Variants in GBE1 observed in about 807,000 individuals in gnomAD.
The protein encoded by GBE1 is 1,4-alpha-glucan branching enzyme 1.
In GBE1, 70 loss-of-function variants were observed where a neutral mutation model predicts 88.8. The ratio of observed to expected loss-of-function variants is 0.79; its 90% CI spans 0.65 to 0.96. The LOEUF (loss-of-function observed/expected upper bound fraction) is 0.96, where lower values mean the gene tolerates loss of function less well. Among genes scored for constraint, GBE1 ranks in the 40% least tolerant of loss-of-function variants. The probability of loss-of-function intolerance (pLI) is 0.00; values close to 1 mark genes in which losing one functional copy is unlikely to be tolerated. For missense variants in GBE1, 872 were observed against 871.0 expected (o/e 1.00, Z -0.01); for synonymous variants, 284 against 300.1 (o/e 0.95, Z 0.56).
At chr3:81,526,195 T>A (rs1702941888) in intron 14 of GBE1, among the ~76,000 whole-genome samples, 1 of 152,108 alleles carries the variant, frequency 6.6e-6, no homozygotes, top group Admixed American at 6.6e-5. Context: ...ATCTACACAC[T>A]GCTTTGAATG....
At chr3:81,658,586 C>A (rs1576188699) in intron 3 of GBE1, among the ~76,000 whole-genome samples, 3 of 152,112 alleles carry the variant, frequency 2.0e-5, no homozygotes, top group Admixed American at 1.3e-4. Context: ...GGAGTATTAT[C>A]CCCCAAGGTT....
At chr3:81,581,407 A>C in intron 10 of GBE1, 132 bp from the exon 11 acceptor site, 2 of 581,866 alleles carry the variant, frequency 3.4e-6, no homozygotes, top group South Asian at 4.6e-5. Context: ...CCATATAGCA[A>C]AGTTATCACT....
intron 12 of GBE1, among the ~76,000 whole-genome samples, chr3:81,538,972 G>T (rs1055558263): frequency 6.6e-5 from 10 of 151,938 alleles, no homozygotes; most frequent in African/African-American, 2.4e-4. Context: ...TTGTCATCAC[G>T]ATGACAGTAG....
intron 14 of GBE1, among the ~76,000 whole-genome samples, chr3:81,501,132 C>T (rs1395751852): frequency 1.3e-5 from 2 of 152,126 alleles, no homozygotes; most frequent in African/African-American, 2.4e-5. Context: ...GGAAAGAAAC[C>T]ATTAGACCCA....
chr3:81,741,506 T>C (rs958736966), intron 1 of GBE1, among the ~76,000 whole-genome samples: 8 of 152,158 alleles, frequency 5.3e-5, no homozygotes, highest in Non-Finnish European at 1.0e-4. Flanking sequence ...AAATGCAAAC[T>C]ATAACCTAAA....
intron 1 of GBE1, among the ~76,000 whole-genome samples, chr3:81,714,952 G>A (rs1359259955): frequency 6.6e-6 from 1 of 152,062 alleles, no homozygotes; most frequent in Non-Finnish European, 1.5e-5. Context: ...GGCCGCTCTT[G>A]TGATCTAACT....
At chr3:81,492,115 T>C (rs901442349) in intron 15 of GBE1, among the ~76,000 whole-genome samples, 3 of 152,258 alleles carry the variant, frequency 2.0e-5, no homozygotes, top group Admixed American at 2.0e-4. Flanking sequence ...CAATGTCTCA[T>C]GTTCTGTTTT....
chr3:81,578,964 T>C (rs1038450726), intron 11 of GBE1, among the ~76,000 whole-genome samples: 28 of 152,054 alleles, frequency 1.8e-4, no homozygotes, highest in African/African-American at 6.0e-4. Context: ...AAAATTGTTA[T>C]AGGATTTATA....
intron 1 of GBE1, among the ~76,000 whole-genome samples, chr3:81,748,030 G>C (rs1706441988): frequency 6.6e-6 from 1 of 152,164 alleles, no homozygotes; most frequent in Non-Finnish European, 1.5e-5. Flanking sequence ...TGAAGCAGGA[G>C]AATCATTTCA....
intron 14 of GBE1, among the ~76,000 whole-genome samples, chr3:81,509,018 C>CAGAA (rs1559628218): frequency 5.3e-5 from 8 of 152,114 alleles, no homozygotes; most frequent in African/African-American, 1.7e-4. Context: ...ACTCAAATTA[C>CAGAA]TAGCTGCTGT....
At chr3:81,510,877 A>G (rs1420925782) in intron 14 of GBE1, among the ~76,000 whole-genome samples, 2 of 152,090 alleles carry the variant, frequency 1.3e-5, no homozygotes, top group Non-Finnish European at 2.9e-5. Flanking sequence ...TATATACTTG[A>G]AATCTGCTGA....
intron 7 of GBE1, among the ~76,000 whole-genome samples, chr3:81,619,498 A>G (rs1704297095): frequency 6.6e-6 from 1 of 152,150 alleles, no homozygotes; most frequent in Admixed American, 6.5e-5. Flanking sequence ...ATTTGAGTGT[A>G]TATGTCCACA....
At chr3:81,707,997 T>C (rs1388081916) in intron 1 of GBE1, among the ~76,000 whole-genome samples, 1 of 152,044 alleles carries the variant, frequency 6.6e-6, no homozygotes, top group Non-Finnish European at 1.5e-5. Context: ...TAATCACGTA[T>C]AACAAATAAC....
chr3:81,727,480 G>A (rs145217794), intron 1 of GBE1, among the ~76,000 whole-genome samples: 250 of 152,244 alleles, frequency 1.6e-3, no homozygotes, highest in Middle Eastern at 6.8e-3. Flanking sequence ...AATTTGAATT[G>A]TTATAGATTT....
chr3:81,532,523 C>G (rs1485268399), intron 14 of GBE1, among the ~76,000 whole-genome samples: 1 of 151,994 alleles, frequency 6.6e-6, no homozygotes. Flanking sequence ...CCCTAATTAT[C>G]TTTTAGGTGT....
intron 2 of GBE1, among the ~76,000 whole-genome samples, chr3:81,681,826 CAT>C (rs992524654): frequency 2.0e-5 from 3 of 152,086 alleles, no homozygotes; most frequent in African/African-American, 7.2e-5. Context: ...CAAAATGACT[CAT>C]GTCAGAACTA....
At chr3:81,758,673 T>G (rs1476633831) in intron 1 of GBE1, among the ~76,000 whole-genome samples, 1 of 152,124 alleles carries the variant, frequency 6.6e-6, no homozygotes, top group African/African-American at 2.4e-5. Flanking sequence ...GGTAGAAAAA[T>G]CAAGTGGAAA....
At chr3:81,741,931 A>G (rs1231740936) in intron 1 of GBE1, among the ~76,000 whole-genome samples, 1 of 150,104 alleles carries the variant, frequency 6.7e-6, no homozygotes, top group Non-Finnish European at 1.5e-5. Context: ...CCCCATCTAT[A>G]TTCCCTAGAA....
At chr3:81,652,729 T>C (rs1353794034) in intron 3 of GBE1, among the ~76,000 whole-genome samples, 1 of 152,224 alleles carries the variant, frequency 6.6e-6, no homozygotes, top group Non-Finnish European at 1.5e-5. Context: ...CTTTTCACTT[T>C]CTGTTTCTAA....
Sources: gnomAD v4.1 joint callset for allele counts (sites outside exome capture counted in the v4.1 genomes callset) on GRCh38, gnomAD v4.1.1 for gene constraint, MANE v1.5 for transcripts, NCBI Gene and HGNC (gene_info 2026-07-23, HGNC 2026-07-21) for gene names.